The following TIMM23 variants were observed in gnomAD, a reference collection of about 807,000 sequenced individuals.
TIMM23 encodes mitochondrial import inner membrane translocase subunit Tim23.
A neutral mutation model predicts 30.7 loss-of-function variants in TIMM23; 19 were observed. The ratio of observed to expected loss-of-function variants is 0.62; its 90% CI spans 0.43 to 0.91. TIMM23 has a LOEUF of 0.91. Among genes scored for constraint, TIMM23 ranks in the 40% least tolerant of loss-of-function variants. The pLI is 0.00. For synonymous variants in TIMM23, 78 were observed against 98.5 expected (o/e 0.79, Z 1.23); for missense variants, 202 against 269.2 (o/e 0.75, Z 1.75).
chr10:45,996,047 T>G (rs1254070015), intron 6 of TIMM23, among the ~76,000 whole-genome samples: 1 of 149,284 alleles, frequency 6.7e-6, no homozygotes, highest in East Asian at 1.9e-4. Flanking sequence ...AGAACATGTG[T>G]AGTTAATTAA....
rs1481842672 is a variant in TIMM23 at position 45,981,174 on chromosome 10, G to A, written c.166-1349G>A. 6.1e-5 allele frequency among the ~76,000 whole-genome samples: 9 copies of A among 148,022 alleles called. 1 individual carries two copies. The highest frequency in any genetic ancestry group is 2.3e-4 in the African/African-American group (9 of 39,876). The stretch of plus-strand genomic sequence containing the variant: ...GGGTGGCCTCGAACTCCTGAGCTCT[G>A]GCAGTCCACCCGACTCGGCTTCCCA... On this transcript the variant is annotated intron_variant, in intron 2 of 6. Transcript: ENST00000580018.
At position 45,972,499 on chromosome 10, in the gene TIMM23, C is replaced by T. The variant is rs1193750134; in HGVS notation, c.-126C>T. The T allele has an allele frequency of 5.6e-6, 8 of 1,425,778 alleles. No homozygotes were observed. Among genetic ancestry groups the T allele is most frequent in the Middle Eastern group, 2.5e-4 (1 of 3,990 alleles). The allele number at this position is 1,425,778 out of a possible 1,614,324, so 88.3% of individuals were successfully genotyped here. On this transcript the variant is annotated 5_prime_UTR_variant, in exon 1 of 7. Coordinates refer to ENST00000580018, the MANE Select transcript of TIMM23 (RefSeq NM_006327.4). ...GTGGCGCTTAACGGGAACCGGCGCC[C>T]GGAAGGTCAGCGTGTGAAGTAGGCG... is the stretch of plus-strand genomic sequence containing the variant.
intron 6 of TIMM23, among the ~76,000 whole-genome samples, chr10:45,999,121 A>T (rs1361614844): frequency 6.6e-6 from 1 of 152,048 alleles, no homozygotes; most frequent in African/African-American, 2.4e-5. Flanking sequence ...GCCGTGAGCC[A>T]CCATGCCAGG....
intron 4 of TIMM23, chr10:45,984,711 C>T (rs1837947716): frequency 5.6e-6 from 2 of 359,860 alleles, no homozygotes; most frequent in Admixed American, 2.9e-5. Flanking sequence ...CATCACTGTT[C>T]TGGTGGTGTC....
At chr10:45,992,980 C>T (rs2573395) in intron 6 of TIMM23, among the ~76,000 whole-genome samples, 5 of 152,154 alleles carry the variant, frequency 3.3e-5, no homozygotes, top group East Asian at 1.9e-4. Flanking sequence ...TTGTTCTTGC[C>T]GTTACCATTT....
chr10:45,994,821 C>T (rs1227079283), intron 6 of TIMM23, among the ~76,000 whole-genome samples: 1 of 151,940 alleles, frequency 6.6e-6, no homozygotes, highest in African/African-American at 2.4e-5. Flanking sequence ...TTAGCCATTC[C>T]CTAAATGTAA....
chr10:46,003,442 G>A lies in TIMM23; in HGVS notation c.*124G>A. ...TTTGAAAAATTGGAGATTTTGATTT[G>A]CTGTGATGAAAATCCTGGATGGCTG... On this transcript the variant is annotated 3_prime_UTR_variant, in exon 7 of 7. Coordinates refer to ENST00000580018, the MANE Select transcript of TIMM23 (RefSeq NM_006327.4). 1.4e-6 allele frequency: 1 copy of A among 722,710 alleles called. No individual in the cohort carries two copies. The highest frequency in any genetic ancestry group is 2.3e-6 in the Non-Finnish European group (1 of 443,640). The allele number at this position is 722,710 out of a possible 1,614,324, so 44.8% of individuals were successfully genotyped here.
intron 6 of TIMM23, among the ~76,000 whole-genome samples, chr10:45,994,533 A>G (rs71501484): frequency 0.85 from 78,710 of 92,870 alleles, 33,657 homozygotes; most frequent in East Asian, 0.95. Flanking sequence ...TCTGCTTCCT[A>G]GGTTCAAGTG....
chr10:45,996,531 G>A (rs1554916748), intron 6 of TIMM23, among the ~76,000 whole-genome samples: 1 of 151,826 alleles, frequency 6.6e-6, no homozygotes, highest in African/African-American at 2.4e-5. Context: ...AGTGCTTATT[G>A]CTGAAGGTAT....
At chr10:45,992,500 T>C in intron 6 of TIMM23, 4 of 455,624 alleles carry the variant, frequency 8.8e-6, no homozygotes, top group South Asian at 6.2e-5. Flanking sequence ...TTATAAACAC[T>C]TGGAGGCTTA....
At chr10:45,994,852 C>T (rs1432120085) in intron 6 of TIMM23, among the ~76,000 whole-genome samples, 1 of 152,148 alleles carries the variant, frequency 6.6e-6, no homozygotes, top group African/African-American at 2.4e-5. Context: ...TGGTGCTATA[C>T]TTAGAGTGCC....
At chr10:45,976,873 C>T (rs1837689694) in intron 2 of TIMM23, among the ~76,000 whole-genome samples, 1 of 152,114 alleles carries the variant, frequency 6.6e-6, no homozygotes, top group Non-Finnish European at 1.5e-5. Context: ...TATAGAAAAT[C>T]ACAAGGGAAA....
chr10:45,979,166 TG>T (rs1837764601), intron 2 of TIMM23, among the ~76,000 whole-genome samples: 1 of 152,190 alleles, frequency 6.6e-6, no homozygotes, highest in Non-Finnish European at 1.5e-5. Context: ...GTGATTTTTT[TG>T]GGGGGTGATG....
chr10:45,989,181 C>A (rs1160689351), intron 6 of TIMM23, among the ~76,000 whole-genome samples: 1 of 152,204 alleles, frequency 6.6e-6, no homozygotes, highest in African/African-American at 2.4e-5. Context: ...CACTTTCTGT[C>A]TCTGAATTGG....
At chr10:45,985,298 A>G in intron 4 of TIMM23, 85 bp from the exon 5 acceptor site, 1 of 1,550,780 alleles carries the variant, frequency 6.4e-7, no homozygotes. Context: ...GGGTCTAGAC[A>G]TGTTAAATAG....
At chr10:45,999,215 A>G (rs1838443111) in intron 6 of TIMM23, among the ~76,000 whole-genome samples, 2 of 152,060 alleles carry the variant, frequency 1.3e-5, no homozygotes, top group Admixed American at 1.3e-4. Flanking sequence ...ATCTTGGCTC[A>G]CTGCAACCTC....
At chr10:45,988,046 G>A (rs1838047916) in intron 5 of TIMM23, among the ~76,000 whole-genome samples, 3 of 152,176 alleles carry the variant, frequency 2.0e-5, no homozygotes, top group South Asian at 2.1e-4. Context: ...CTCCTGACAC[G>A]TGGGTGAGTT....
At chr10:45,997,237 A>G (rs1441252882) in intron 6 of TIMM23, among the ~76,000 whole-genome samples, 2 of 152,124 alleles carry the variant, frequency 1.3e-5, no homozygotes, top group East Asian at 1.9e-4. Flanking sequence ...TGGTATATAC[A>G]TAGAATAGAA....
intron 6 of TIMM23, among the ~76,000 whole-genome samples, chr10:45,991,722 G>A (rs1297122465): frequency 6.6e-6 from 1 of 151,630 alleles, no homozygotes. Flanking sequence ...CTGCACTCTA[G>A]CCTGGGCAAT....
Sources: gnomAD v4.1 joint callset for allele counts (sites outside exome capture counted in the v4.1 genomes callset) on GRCh38, gnomAD v4.1.1 for gene constraint, MANE v1.5 for transcripts, NCBI Gene and HGNC (gene_info 2026-07-23, HGNC 2026-07-21) for gene names.